NECTIN2: variants seen among roughly 807,000 people sequenced by gnomAD.
NECTIN2 encodes the protein nectin-2.
NECTIN2 carries 23 observed loss-of-function variants against 56.9 expected under a neutral mutation model. The ratio of observed to expected loss-of-function variants is 0.40; its 90% CI spans 0.29 to 0.57. The LOEUF (loss-of-function observed/expected upper bound fraction) is 0.57. Among genes scored for constraint, NECTIN2 ranks in the 20% least tolerant of loss-of-function variants. The pLI is 0.38. For missense variants in NECTIN2, 587 were observed against 718.3 expected, an observed-to-expected ratio of 0.82 and a Z score of 2.09; for synonymous variants, 302 against 313.8, an observed-to-expected ratio of 0.96 and a Z score of 0.40.
At chr19:44,856,039 G>A (rs1047067490) in intron 1 of NECTIN2, among the ~76,000 whole-genome samples, 7 of 152,116 alleles carry the variant, frequency 4.6e-5, no homozygotes, top group African/African-American at 9.7e-5. Flanking sequence ...AGTGGCTCAC[G>A]CCTATAATCC....
Position 44,888,257 on chromosome 19 carries a change from G to T in NECTIN2, c.1495G>T (p.Gly499Trp). The change falls in exon 9 of 9, where the codon GGG becomes TGG. Residue 499 changes from glycine (G) to tryptophan (W), a missense_variant. Transcript: ENST00000252483. The stretch of plus-strand genomic sequence containing the variant: ...TTCCCTGGATCTAGAGGATGAGGAG[G>T]GGGAGGAGGAGGAAGAGTATCTGGA... Reference protein sequence around the residue: ...DVSLDLEDEEGEEEEEYLDKI... With the variant: ...DVSLDLEDEEWEEEEEYLDKI... The T allele has an allele frequency of 6.2e-7, 1 of 1,614,136 alleles. No individual in the cohort carries two copies. The highest frequency in any genetic ancestry group is 8.5e-7 in the Non-Finnish European group (1 of 1,180,014).
intron 1 of NECTIN2, among the ~76,000 whole-genome samples, chr19:44,857,617 G>A (rs937271969): frequency 6.6e-6 from 1 of 151,940 alleles, no homozygotes; most frequent in Non-Finnish European, 1.5e-5. Flanking sequence ...GGCCAGGCTG[G>A]TCTCGAACTC....
chr19:44,883,917 C>T (rs959327989), intron 6 of NECTIN2, among the ~76,000 whole-genome samples: 3 of 151,768 alleles, frequency 2.0e-5, no homozygotes, highest in African/African-American at 7.3e-5. Flanking sequence ...CTCAGGAGTT[C>T]GAGACCAGCC....
intron 1 of NECTIN2, among the ~76,000 whole-genome samples, chr19:44,848,366 C>G (rs1194963319): frequency 6.6e-6 from 1 of 152,192 alleles, no homozygotes; most frequent in Non-Finnish European, 1.5e-5. Flanking sequence ...TCAGCAAAGG[C>G]AAGCAGCCTT....
chr19:44,874,210 G>T lies in NECTIN2; in HGVS notation c.894-120G>T, dbSNP rs2075642. On this transcript the variant is annotated intron_variant, in intron 4 of 8. Coordinates refer to ENST00000252483, the MANE Select transcript of NECTIN2 (RefSeq NM_001042724.2). This position sits in a 1 kb window ranked among gnomAD's most constrained non-coding sequence, Gnocchi z 6.3. ...GGGAGCTTGCATTTTGGCAATTTGG[G>T]GTCTCCGGGAGTACTTAGGTCCCTG... is the stretch of plus-strand genomic sequence containing the variant. 1.0e-5 allele frequency: 14 copies of T among 1,352,902 alleles called. No homozygotes were observed. In the South Asian group the frequency reaches 1.0e-4, roughly 10 times the overall value. 83.8% of individuals were successfully genotyped at this position (1,352,902 alleles called of 1,614,324 possible). A position where few individuals can be genotyped will look rare whatever the true frequency, so the allele number is the denominator to read the frequency against.
rs1969215757 is a variant in NECTIN2 at position 44,874,572 on chromosome 19, G to A, written c.1042+94G>A. The A allele has an allele frequency of 2.7e-5, 41 of 1,496,042 alleles. No homozygotes were observed. Among genetic ancestry groups the A allele is most frequent in the Non-Finnish European group, 3.3e-5 (36 of 1,097,312 alleles). The allele number at this position is 1,496,042 out of a possible 1,614,324, so 92.7% of individuals were successfully genotyped here. A position where few individuals can be genotyped will look rare whatever the true frequency, so the allele number is the denominator to read the frequency against. On this transcript the variant is annotated intron_variant, in intron 5 of 8. Coordinates refer to ENST00000252483, the MANE Select transcript of NECTIN2 (RefSeq NM_001042724.2). The surrounding 1 kb of genome is among the most constrained non-coding windows in gnomAD (Gnocchi z 6.3). ...TTGGGGCTGCACTGGGGGAGGCTGCGCCGCCGACCTGGGAGGGATGCAGAC... is the reference window on the plus strand; with the variant it reads ...TTGGGGCTGCACTGGGGGAGGCTGCACCGCCGACCTGGGAGGGATGCAGAC...
At chr19:44,864,741 T>C (rs1374429110) in intron 1 of NECTIN2, among the ~76,000 whole-genome samples, 1 of 151,934 alleles carries the variant, frequency 6.6e-6, no homozygotes. Flanking sequence ...GGCAGGAGAA[T>C]GGCGTGAACC....
At chr19:44,858,764 T>C (rs1968999403) in intron 1 of NECTIN2, among the ~76,000 whole-genome samples, 1 of 152,020 alleles carries the variant, frequency 6.6e-6, no homozygotes, top group African/African-American at 2.4e-5. Context: ...CACCTTAGCC[T>C]CCTGAGTAGC....
rs1277827941 is a variant in NECTIN2, at chr19:44,874,223, A to T, written c.894-107A>T. The T allele has an allele frequency of 1.4e-6, 2 of 1,425,096 alleles. No individual in the cohort carries two copies. Among genetic ancestry groups the T allele is most frequent in the Admixed American group, 1.8e-5 (1 of 56,322 alleles). The allele number at this position is 1,425,096 out of a possible 1,614,324, so 88.3% of individuals were successfully genotyped here. Reference sequence around the variant, plus strand: ...TTGGCAATTTGGGGTCTCCGGGAGTACTTAGGTCCCTGGAGCTTGGCTCCT... The same window carrying T: ...TTGGCAATTTGGGGTCTCCGGGAGTTCTTAGGTCCCTGGAGCTTGGCTCCT... On this transcript the variant is annotated intron_variant, in intron 4 of 8. Transcript: ENST00000252483. This position sits in a 1 kb window ranked among gnomAD's most constrained non-coding sequence, Gnocchi z 6.3.
chr19:44,873,431 G>A (rs1455586097), intron 3 of NECTIN2, among the ~76,000 whole-genome samples: 10 of 152,100 alleles, frequency 6.6e-5, no homozygotes, highest in Admixed American at 2.0e-4. Context: ...TCAGGAGTTC[G>A]GGACTAGCCT....
At chr19:44,857,716 T>G (rs1425676690) in intron 1 of NECTIN2, among the ~76,000 whole-genome samples, 8 of 149,000 alleles carry the variant, frequency 5.4e-5, no homozygotes, top group East Asian at 3.9e-4. Flanking sequence ...TTTTTGTTTT[T>G]TTTTTTTTAA....
At chr19:44,873,822 G>T (rs77784532) in intron 3 of NECTIN2, 94 bp from the exon 4 acceptor site, 1 of 924,990 alleles carries the variant, frequency 1.1e-6, no homozygotes, top group Non-Finnish European at 1.7e-6. Flanking sequence ...CTGCCAACCC[G>T]CCCCGTTTCT....
chr19:44,876,273 C>T lies in NECTIN2; in HGVS notation c.1042+1795C>T, dbSNP rs111589420. Among the ~76,000 whole-genome samples the T allele has an allele frequency of 1.8e-3, 275 of 151,182 alleles. 1 individual carries two copies. Among genetic ancestry groups the T allele is most frequent in the African/African-American group, 6.3e-3 (260 of 41,058 alleles). ...CAGCTCCACCCGCCCAGACAGACACCGAACTGGAAATACACCCCTAACCTC... is the reference window on the plus strand; with the variant it reads ...CAGCTCCACCCGCCCAGACAGACACTGAACTGGAAATACACCCCTAACCTC... On this transcript the variant is annotated intron_variant, in intron 5 of 8. Coordinates refer to ENST00000252483, the MANE Select transcript of NECTIN2 (RefSeq NM_001042724.2).
intron 1 of NECTIN2, among the ~76,000 whole-genome samples, chr19:44,855,891 CTATT>C (rs1454231017): frequency 6.6e-6 from 1 of 152,020 alleles, no homozygotes; most frequent in Non-Finnish European, 1.5e-5. Flanking sequence ...TGTTGAGTAA[CTATT>C]TGTTTTTTGG....
At chr19:44,873,555 C>T (rs1468516475) in intron 3 of NECTIN2, among the ~76,000 whole-genome samples, 2 of 152,060 alleles carry the variant, frequency 1.3e-5, no homozygotes, top group East Asian at 3.9e-4. Flanking sequence ...ATGGCTTGAG[C>T]CCAGGACGTG....
chr19:44,866,773 T>C (rs1303983644), intron 2 of NECTIN2, among the ~76,000 whole-genome samples: 8 of 152,116 alleles, frequency 5.3e-5, no homozygotes, highest in Admixed American at 2.0e-4. Flanking sequence ...AGTAGGTTCT[T>C]AGCAGCAGAC....
At chr19:44,885,135 T>C (rs1286709978) in intron 6 of NECTIN2, among the ~76,000 whole-genome samples, 1 of 151,866 alleles carries the variant, frequency 6.6e-6, no homozygotes, top group Admixed American at 6.6e-5. Flanking sequence ...TAGCTGGGAT[T>C]ACAGGCATGC....
In NECTIN2 at chr19:44,888,514, G is replaced by C; in HGVS notation, c.*135G>C. On this transcript the variant is annotated 3_prime_UTR_variant, in exon 9 of 9. Transcript: ENST00000252483. ...GCATTCCATTTGTGATGTCTACCTT[G>C]GTGGCTCCACTATGACCCCTAACCC... 8.0e-6 allele frequency: 8 copies of C among 998,282 alleles called. No individual in the cohort carries two copies. Among genetic ancestry groups the C allele is most frequent in the Non-Finnish European group, 1.2e-5 (8 of 683,574 alleles). The allele number at this position is 998,282 out of a possible 1,614,324, so 61.8% of individuals were successfully genotyped here.
rs1290937508 is a variant in NECTIN2 at position 44,852,753 on chromosome 19, C to T, written c.88+6140C>T. ...AGATAAATGTCAAAGAAGGAGGTGA[C>T]AGGGTTTCCTGATAGATTGCTTATG... On this transcript the variant is annotated intron_variant, in intron 1 of 8. Transcript: ENST00000252483. 7.2e-5 allele frequency among the ~76,000 whole-genome samples: 11 copies of T among 151,958 alleles called. No homozygotes were observed. The East Asian group carries it at 2.1e-3, about 29-fold the overall frequency.
Sources: allele counts gnomAD v4.1 joint callset (sites outside exome capture counted in the v4.1 genomes callset), GRCh38; gene constraint gnomAD v4.1.1; non-coding constraint Gnocchi (gnomAD v3.1); transcripts MANE v1.5; gene names NCBI Gene and HGNC (gene_info 2026-07-23, HGNC 2026-07-21).